The following NAP1L5 variants were observed in gnomAD, a reference collection of about 807,000 sequenced individuals.
NAP1L5 encodes the protein nucleosome assembly protein 1-like 5.
For synonymous variants in NAP1L5, 125 were observed against 103.6 expected, an observed-to-expected ratio of 1.21 and a Z score of -1.25; for missense variants, 249 against 246.4, an observed-to-expected ratio of 1.01 and a Z score of -0.07.
At position 88,697,778 on chromosome 4, in the gene NAP1L5, C is replaced by T. The variant is rs371680899; in HGVS notation, c.-24G>A. 3 of 1,568,102 alleles carry T rather than the reference C, an allele frequency of 1.9e-6. No individual in the cohort carries two copies. The highest frequency in any genetic ancestry group is 2.6e-6 in the Non-Finnish European group (3 of 1,157,284). On this transcript the variant is annotated 5_prime_UTR_variant, in exon 1 of 1. Transcript: ENST00000323061. ...ATGTTAGAGGAGAAGCCGCAGAGGT[C>T]TAGGAGGGCTCCCGCAGAGGCCCTG...
Position 88,697,548 on chromosome 4 carries a change from A to C in NAP1L5, c.207T>G (p.Phe69Leu). Residue 69 changes from phenylalanine (F) to leucine (L), a missense_variant, in exon 1 of 1, where the codon TTT (phenylalanine) becomes TTG (leucine). By Grantham distance (22) the Phe-to-Leu change is conservative. Transcript: ENST00000323061. Reference sequence around the variant, plus strand: ...TCACCGAATTAGGCAGGCTCTCGATAAAGTCATTTTTCGGCTTTGGGGCAT... The same window carrying C: ...TCACCGAATTAGGCAGGCTCTCGATCAAGTCATTTTTCGGCTTTGGGGCAT... Reference protein sequence around the residue: ...AENAPKPKNDFIESLPNSVKC... With the variant: ...AENAPKPKNDLIESLPNSVKC... The C allele has an allele frequency of 6.2e-7, 1 of 1,614,032 alleles. No homozygotes were observed. The highest frequency in any genetic ancestry group is 8.5e-7 in the Non-Finnish European group (1 of 1,179,984).
In NAP1L5 at chr4:88,697,555, T is replaced by C. The variant is rs965283825; in HGVS notation, c.200A>G (p.Asn67Ser). Reference sequence around the variant, plus strand: ...ATTAGGCAGGCTCTCGATAAAGTCATTTTTCGGCTTTGGGGCATTCTCTGC... The same window carrying C: ...ATTAGGCAGGCTCTCGATAAAGTCACTTTTCGGCTTTGGGGCATTCTCTGC... ...TPAENAPKPK[N>S]DFIESLPNSV... The change falls in exon 1 of 1, where the codon AAT becomes AGT. Residue 67 changes from asparagine to serine, a missense_variant. Asn to Ser is a conservative substitution (Grantham distance 46). Transcript: ENST00000323061. 2 of 1,614,032 alleles carry C rather than the reference T, an allele frequency of 1.2e-6. No homozygotes were observed. The highest frequency in any genetic ancestry group is 2.7e-5 in the African/African-American group (2 of 74,916).
Position 88,697,720 on chromosome 4 carries a change from G to C in NAP1L5, c.35C>G (p.Pro12Arg), listed in dbSNP as rs1336004716. 5.0e-6 allele frequency: 8 copies of C among 1,611,526 alleles called. No homozygotes were observed. Among genetic ancestry groups the C allele is most frequent in the Non-Finnish European group, 5.9e-6 (7 of 1,179,312 alleles). Residue 12 changes from proline (P) to arginine (R), a missense_variant, in exon 1 of 1, where the codon CCT becomes CGT. Coordinates refer to ENST00000323061, the MANE Select transcript of NAP1L5 (RefSeq NM_153757.4). ...ADSENQGPAEPSQAAAAAEAA... is the reference protein window; with the variant it reads ...ADSENQGPAERSQAAAAAEAA... ...CTCCGCCGCTGCCGCCGCCTGGCTA[G>C]GCTCCGCAGGCCCCTGGTTTTCCGA... is the stretch of plus-strand genomic sequence containing the variant.
In NAP1L5 at chr4:88,696,030, C is replaced by G. The variant is rs1418609962; in HGVS notation, c.*1176G>C. On this transcript the variant is annotated 3_prime_UTR_variant, in exon 1 of 1. Coordinates refer to ENST00000323061, the MANE Select transcript of NAP1L5 (RefSeq NM_153757.4). ...CAAAACCCACACAGAAGCTAAGAGT[C>G]TTTACATTAAATATATTCTTCCTAA... 6.6e-6 allele frequency: 1 copy of G among 152,608 alleles called. No homozygotes were observed. The highest frequency in any genetic ancestry group is 1.5e-5 in the Non-Finnish European group (1 of 68,026). 9.5% of individuals were successfully genotyped at this position (152,608 alleles called of 1,614,324 possible).
chr4:88,697,636 G>A lies in NAP1L5; in HGVS notation c.119C>T (p.Ala40Val), dbSNP rs200110033. The A allele has an allele frequency of 1.4e-5, 23 of 1,613,590 alleles. No homozygotes were observed. Among genetic ancestry groups the A allele is most frequent in the South Asian group, 6.6e-5 (6 of 91,068 alleles). Residue 40 changes from alanine to valine, a missense_variant, in exon 1 of 1, where the codon GCG becomes GTG. By Grantham distance (64) the Ala-to-Val change is moderately conservative. Coordinates refer to ENST00000323061, the MANE Select transcript of NAP1L5 (RefSeq NM_153757.4). ...AGCCGCGCTGTCAGGGTCACCAGCCGCGCTGTCACAGTCTCCACCCTGCGC... is the reference window on the plus strand; with the variant it reads ...AGCCGCGCTGTCAGGGTCACCAGCCACGCTGTCACAGTCTCCACCCTGCGC... ...GGAQGGDCDS[A>V]AGDPDSAAGQ...
In NAP1L5 at chr4:88,696,067, G is replaced by A. The variant is rs1299636398; in HGVS notation, c.*1139C>T. The A allele has an allele frequency of 5.2e-5, 8 of 152,452 alleles. No homozygotes were observed. The highest frequency in any genetic ancestry group is 8.8e-5 in the Non-Finnish European group (6 of 68,014). 9.4% of individuals were successfully genotyped at this position (152,452 alleles called of 1,614,324 possible). A position where few individuals can be genotyped will look rare whatever the true frequency, so the allele number is the denominator to read the frequency against. On this transcript the variant is annotated 3_prime_UTR_variant, in exon 1 of 1. Transcript: ENST00000323061. ...TATATTCTTCCTAAAAATCCTTACT[G>A]TATGCATCTGTCCTCAAGCAGTAAA...
Position 88,696,205 on chromosome 4 carries a change from G to A in NAP1L5, c.*1001C>T, listed in dbSNP as rs2149338011. On this transcript the variant is annotated 3_prime_UTR_variant, in exon 1 of 1. Coordinates refer to ENST00000323061, the MANE Select transcript of NAP1L5 (RefSeq NM_153757.4). ...CTTTCTACTTCTGAGCTGGGGGTAGGGGCACACACTTGGATTGGTTCTTCA... is the reference window on the plus strand; with the variant it reads ...CTTTCTACTTCTGAGCTGGGGGTAGAGGCACACACTTGGATTGGTTCTTCA... 6.6e-6 allele frequency: 1 copy of A among 152,666 alleles called. No homozygotes were observed. The highest frequency in any genetic ancestry group is 3.4e-3 in the Middle Eastern group (1 of 294). 9.5% of individuals were successfully genotyped at this position (152,666 alleles called of 1,614,324 possible).
Position 88,696,907 on chromosome 4 carries a change from T to C in NAP1L5, c.*299A>G. On this transcript the variant is annotated 3_prime_UTR_variant, in exon 1 of 1. Transcript: ENST00000323061. ...GTGACGTTCTTTACTTCGCATCTGC[T>C]AACACCCTTTGTAAACCTCAATCCT... 3.0e-6 allele frequency: 1 copy of C among 337,258 alleles called. No individual in the cohort carries two copies. The highest frequency in any genetic ancestry group is 4.6e-5 in the Admixed American group (1 of 21,868). 20.9% of individuals were successfully genotyped at this position (337,258 alleles called of 1,614,324 possible). A position where few individuals can be genotyped will look rare whatever the true frequency, so the allele number is the denominator to read the frequency against.
rs1408607460 is a variant in NAP1L5 at position 88,697,010 on chromosome 4, C to G, written c.*196G>C. 4.0e-6 allele frequency: 2 copies of G among 499,872 alleles called. No homozygotes were observed. Among genetic ancestry groups the G allele is most frequent in the Non-Finnish European group, 6.8e-6 (2 of 292,608 alleles). 31.0% of individuals were successfully genotyped at this position (499,872 alleles called of 1,614,324 possible). A position where few individuals can be genotyped will look rare whatever the true frequency, so the allele number is the denominator to read the frequency against. On this transcript the variant is annotated 3_prime_UTR_variant, in exon 1 of 1. Transcript: ENST00000323061. ...CACCTTTTGATATATTTATTATGTT[C>G]AAAATGAAAGTCAAATTTGAATCGA...
At position 88,697,053 on chromosome 4, in the gene NAP1L5, T is replaced by C; in HGVS notation, c.*153A>G. The C allele has an allele frequency of 2.9e-6, 2 of 678,248 alleles. No homozygotes were observed. The highest frequency in any genetic ancestry group is 4.7e-6 in the Non-Finnish European group (2 of 425,582). 42.0% of individuals were successfully genotyped at this position (678,248 alleles called of 1,614,324 possible). A position where few individuals can be genotyped will look rare whatever the true frequency, so the allele number is the denominator to read the frequency against. ...TGAATCGAGCTGGCCAGGATCTAAT[T>C]GCTTTAATTTAATCTATTTTAGGAA... On this transcript the variant is annotated 3_prime_UTR_variant, in exon 1 of 1. Coordinates refer to ENST00000323061, the MANE Select transcript of NAP1L5 (RefSeq NM_153757.4).
chr4:88,697,142 T>A lies in NAP1L5; in HGVS notation c.*64A>T. On this transcript the variant is annotated 3_prime_UTR_variant, in exon 1 of 1. Transcript: ENST00000323061. ...TGAGCCTTTTTAAGTCCATCGATAT[T>A]CTGGGAAAAACAAAACCAGGCTTTT... 1.4e-6 allele frequency: 2 copies of A among 1,437,964 alleles called. No homozygotes were observed. The highest frequency in any genetic ancestry group is 1.8e-6 in the Non-Finnish European group (2 of 1,084,804). 89.1% of individuals were successfully genotyped at this position (1,437,964 alleles called of 1,614,324 possible). A position where few individuals can be genotyped will look rare whatever the true frequency, so the allele number is the denominator to read the frequency against.
In NAP1L5 at chr4:88,697,511, G is replaced by A; in HGVS notation, c.244C>T (p.Leu82=). The change falls in exon 1 of 1, where the codon CTG becomes TTG. Residue 82 remains leucine, a synonymous_variant. Transcript: ENST00000323061. ...CGCTTCTGCAGCTTTTTGAGGGCCA[G>A]GACTCGGCATTTCACCGAATTAGGC... ...SLPNSVKCRV[L]ALKKLQKRCD... 2.5e-6 allele frequency: 4 copies of A among 1,614,126 alleles called. No individual in the cohort carries two copies. The highest frequency in any genetic ancestry group is 3.4e-6 in the Non-Finnish European group (4 of 1,180,026).
chr4:88,697,527 C>T lies in NAP1L5; in HGVS notation c.228G>A (p.Ser76=), dbSNP rs1189343580. Residue 76 remains serine (S), a synonymous_variant, in exon 1 of 1, where the codon TCG becomes TCA. Coordinates refer to ENST00000323061, the MANE Select transcript of NAP1L5 (RefSeq NM_153757.4). ...TGAGGGCCAGGACTCGGCATTTCAC[C>T]GAATTAGGCAGGCTCTCGATAAAGT... ...KNDFIESLPN[S]VKCRVLALKK... The T allele has an allele frequency of 6.2e-7, 1 of 1,614,086 alleles. No individual in the cohort carries two copies. Among genetic ancestry groups the T allele is most frequent in the Non-Finnish European group, 8.5e-7 (1 of 1,180,014 alleles).
rs1286815574 is a variant in NAP1L5, at chr4:88,696,746, T to C, written c.*460A>G. On this transcript the variant is annotated 3_prime_UTR_variant, in exon 1 of 1. Coordinates refer to ENST00000323061, the MANE Select transcript of NAP1L5 (RefSeq NM_153757.4). ...AAAGCAAAGTCTCAAAGATGACGTTTTTCTTGGGTTCTGCCTTCTCTGCAC... is the reference window on the plus strand; with the variant it reads ...AAAGCAAAGTCTCAAAGATGACGTTCTTCTTGGGTTCTGCCTTCTCTGCAC... The C allele has an allele frequency of 1.9e-5, 3 of 155,442 alleles. No homozygotes were observed. The highest frequency in any genetic ancestry group is 7.2e-5 in the African/African-American group (3 of 41,590). 9.6% of individuals were successfully genotyped at this position (155,442 alleles called of 1,614,324 possible).
At position 88,697,487 on chromosome 4, in the gene NAP1L5, G is replaced by A. The variant is rs749014233; in HGVS notation, c.268C>T (p.Arg90Ter). The A allele has an allele frequency of 6.2e-7, 1 of 1,614,052 alleles. No individual in the cohort carries two copies. Among genetic ancestry groups the A allele is most frequent in the Non-Finnish European group, 8.5e-7 (1 of 1,180,018 alleles). Reference protein sequence around the residue: ...RVLALKKLQKRCDKIEAKFDK... With the variant: ...RVLALKKLQK ...AATTTGGCTTCTATCTTATCGCATC[G>A]CTTCTGCAGCTTTTTGAGGGCCAGG... The change falls in exon 1 of 1, where the codon CGA (arginine) becomes TGA (stop). Residue 90 changes from arginine (R) to a stop codon, truncating the protein, a stop_gained. Coordinates refer to ENST00000323061, the MANE Select transcript of NAP1L5 (RefSeq NM_153757.4). LOFTEE classifies it low-confidence loss of function (END_TRUNC).
In NAP1L5 at chr4:88,697,512, G is replaced by A. The variant is rs768177364; in HGVS notation, c.243C>T (p.Val81=). Residue 81 remains valine, a synonymous_variant, in exon 1 of 1, where the codon GTC becomes GTT. Coordinates refer to ENST00000323061, the MANE Select transcript of NAP1L5 (RefSeq NM_153757.4). ...GCTTCTGCAGCTTTTTGAGGGCCAG[G>A]ACTCGGCATTTCACCGAATTAGGCA... ...ESLPNSVKCR[V]LALKKLQKRC... is the part of the protein sequence containing the mutation. 6.2e-7 allele frequency: 1 copy of A among 1,614,056 alleles called. No homozygotes were observed. The highest frequency in any genetic ancestry group is 8.5e-7 in the Non-Finnish European group (1 of 1,180,020).
Position 88,697,824 on chromosome 4 carries a change from G to A in NAP1L5, c.-70C>T. 6.7e-7 allele frequency: 1 copy of A among 1,501,484 alleles called. No homozygotes were observed. Among genetic ancestry groups the A allele is most frequent in the Non-Finnish European group, 8.9e-7 (1 of 1,125,442 alleles). 93.0% of individuals were successfully genotyped at this position (1,501,484 alleles called of 1,614,324 possible). A position where few individuals can be genotyped will look rare whatever the true frequency, so the allele number is the denominator to read the frequency against. On this transcript the variant is annotated 5_prime_UTR_variant, in exon 1 of 1. Coordinates refer to ENST00000323061, the MANE Select transcript of NAP1L5 (RefSeq NM_153757.4). ...CCCTGCACCCGAGCTGGTCCAGAGA[G>A]ATCTTGCGGATGCGGCAAGTGGCGG...
In NAP1L5 at chr4:88,697,511, G is replaced by C; in HGVS notation, c.244C>G (p.Leu82Val). Reference sequence around the variant, plus strand: ...CGCTTCTGCAGCTTTTTGAGGGCCAGGACTCGGCATTTCACCGAATTAGGC... The same window carrying C: ...CGCTTCTGCAGCTTTTTGAGGGCCACGACTCGGCATTTCACCGAATTAGGC... ...SLPNSVKCRV[L>V]ALKKLQKRCD... The change falls in exon 1 of 1, where the codon CTG becomes GTG. Residue 82 changes from leucine (L) to valine (V), a missense_variant. Leu to Val is a conservative substitution (Grantham distance 32, BLOSUM62 1). Transcript: ENST00000323061. 3.1e-6 allele frequency: 5 copies of C among 1,614,126 alleles called. No individual in the cohort carries two copies. The highest frequency in any genetic ancestry group is 4.2e-6 in the Non-Finnish European group (5 of 1,180,026).
In NAP1L5 at chr4:88,697,258, C is replaced by T. The variant is rs1212893392; in HGVS notation, c.497G>A (p.Gly166Glu). The change falls in exon 1 of 1, where the codon GGG (glycine) becomes GAG (glutamate). Residue 166 changes from glycine (G) to glutamate (E), a missense_variant. Gly to Glu is a moderately conservative substitution (Grantham distance 98). Coordinates refer to ENST00000323061, the MANE Select transcript of NAP1L5 (RefSeq NM_153757.4). ...EEEAAAEAAA[G>E]AKHDDAHAEM... ...GGCGTGGGCATCGTCATGTTTGGCC[C>T]CCGCGGCAGCCTCTGCCGCAGCCTC... is the stretch of plus-strand genomic sequence containing the variant. 5 of 1,561,370 alleles carry T rather than the reference C, an allele frequency of 3.2e-6. No homozygotes were observed. The highest frequency in any genetic ancestry group is 4.3e-6 in the Non-Finnish European group (5 of 1,156,856).
Sources: allele counts gnomAD v4.1 joint callset, GRCh38; gene constraint gnomAD v4.1.1; transcripts MANE v1.5; gene names NCBI Gene and HGNC (gene_info 2026-07-23, HGNC 2026-07-21).